The following SLC30A9 variants were observed in gnomAD, a reference collection of about 807,000 sequenced individuals.
The protein encoded by SLC30A9 is proton-coupled zinc antiporter SLC30A9, mitochondrial.
A neutral mutation model predicts 87.5 loss-of-function variants in SLC30A9; 58 were observed. That is an observed-to-expected ratio of 0.66 (90% confidence interval 0.54 to 0.82). The LOEUF is 0.82. Among genes scored for constraint, SLC30A9 ranks in the 40% least tolerant of loss-of-function variants. The pLI, the probability that SLC30A9 is intolerant of heterozygous loss-of-function variation, is 0.00. For synonymous variants in SLC30A9, 234 were observed against 233.0 expected (o/e 1.00, Z -0.04); for missense variants, 557 against 679.1 (o/e 0.82, Z 2.00).
At chr4:42,072,903 TCCCAGATTCAAGTGATTCTCCTG>T (rs1231227817) in intron 15 of SLC30A9, among the ~76,000 whole-genome samples, 1 of 148,802 alleles carries the variant, frequency 6.7e-6, no homozygotes, top group Non-Finnish European at 1.5e-5. Context: ...AACCTCCGCC[TCCCAGATTCAAGTGATTCTCCTG>T]CCTTACCCTC....
chr4:42,060,403 T>A (rs1335294796), intron 10 of SLC30A9, among the ~76,000 whole-genome samples, 157 bp downstream of exon 10: 1 of 152,192 alleles, frequency 6.6e-6, no homozygotes, highest in East Asian at 1.9e-4. Context: ...CTTCCCACTG[T>A]GTCAAAGTAA....
intron 8 of SLC30A9, among the ~76,000 whole-genome samples, chr4:42,039,391 A>G (rs572194333): frequency 6.6e-6 from 1 of 152,026 alleles, no homozygotes; most frequent in Non-Finnish European, 1.5e-5. Flanking sequence ...ACTGAAGAAT[A>G]TCTTTGTGCT....
At chr4:42,028,134 T>A (rs559612099) in intron 6 of SLC30A9, among the ~76,000 whole-genome samples, 2 of 152,206 alleles carry the variant, frequency 1.3e-5, no homozygotes, top group Non-Finnish European at 2.9e-5. Flanking sequence ...TTATTTTATT[T>A]TTGAGACGGA....
chr4:42,070,618 C>CT lies in SLC30A9; in HGVS notation c.1346dup (p.Gly451ArgfsTer14), dbSNP rs1718276340. On this transcript the variant is annotated frameshift_variant, in exon 15 of 18. Coordinates refer to ENST00000264451, the MANE Select transcript of SLC30A9 (RefSeq NM_006345.4). LOFTEE classifies it high-confidence loss of function. ...CCTCATCTACACTAACACAGAAGCACTCTTAGGGCGGTCCATCCAGCCAGA... is the reference window on the plus strand; with the variant it reads ...CCTCATCTACACTAACACAGAAGCACTTCTTAGGGCGGTCCATCCAGCCAGA... 4 of 1,614,096 alleles carry CT rather than the reference C, an allele frequency of 2.5e-6. No individual in the cohort carries two copies. Among genetic ancestry groups the CT allele is most frequent in the Non-Finnish European group, 3.4e-6 (4 of 1,179,976 alleles).
chr4:42,004,846 G>T (rs1315808146), intron 2 of SLC30A9, among the ~76,000 whole-genome samples: 1 of 151,800 alleles, frequency 6.6e-6, no homozygotes, highest in Non-Finnish European at 1.5e-5. Context: ...TAGAGACAAG[G>T]TCTCCCTGTG....
intron 17 of SLC30A9, among the ~76,000 whole-genome samples, chr4:42,081,287 C>CT (rs1342401187): frequency 1.3e-5 from 2 of 152,004 alleles, no homozygotes. Flanking sequence ...TCATGAAAGA[C>CT]TTTTTTAAAT....
intron 12 of SLC30A9, 57 bp downstream of exon 12, chr4:42,065,406 G>A (rs1399621730): frequency 3.2e-6 from 3 of 935,728 alleles, no homozygotes; most frequent in African/African-American, 3.3e-5. Context: ...ATATTCAGCT[G>A]TCCATTATTA....
chr4:42,069,321 T>C (rs1718210524), intron 14 of SLC30A9, among the ~76,000 whole-genome samples: 1 of 152,298 alleles, frequency 6.6e-6, no homozygotes, highest in Middle Eastern at 3.4e-3. Flanking sequence ...TCAAATTAAA[T>C]TAAATAACAT....
Position 42,087,261 on chromosome 4 carries a change from C to T in SLC30A9, c.*1135C>T, listed in dbSNP as rs987947069. 5.3e-5 allele frequency: 8 copies of T among 152,146 alleles called. 1 individual carries two copies. The highest frequency in any genetic ancestry group is 1.9e-4 in the African/African-American group (8 of 41,430). The allele number at this position is 152,146 out of a possible 1,614,324, so 9.4% of individuals were successfully genotyped here. On this transcript the variant is annotated 3_prime_UTR_variant, in exon 18 of 18. Coordinates refer to ENST00000264451, the MANE Select transcript of SLC30A9 (RefSeq NM_006345.4). ...CAAGGTGGAAAAAAAACATGCAATTCAGTAATTGAAAATGTGGTGAAAAGC... is the reference window on the plus strand; with the variant it reads ...CAAGGTGGAAAAAAAACATGCAATTTAGTAATTGAAAATGTGGTGAAAAGC...
At chr4:42,050,307 A>G (rs992291301) in intron 9 of SLC30A9, among the ~76,000 whole-genome samples, 4 of 152,180 alleles carry the variant, frequency 2.6e-5, no homozygotes. Flanking sequence ...TTTATACTCA[A>G]TATATACTTA....
intron 7 of SLC30A9, among the ~76,000 whole-genome samples, chr4:42,038,363 C>T (rs1188024412): frequency 6.6e-6 from 1 of 152,058 alleles, no homozygotes; most frequent in East Asian, 1.9e-4. Flanking sequence ...GTTCCCAAAC[C>T]TTTCTTCTAA....
chr4:42,000,689 T>C (rs1332058642), intron 1 of SLC30A9, among the ~76,000 whole-genome samples: 1 of 152,070 alleles, frequency 6.6e-6, no homozygotes, highest in South Asian at 2.1e-4. Flanking sequence ...AAGAAATGGC[T>C]TTTCTTTCAG....
chr4:42,004,674 T>TTTC (rs1213109144), intron 2 of SLC30A9, among the ~76,000 whole-genome samples: 4 of 150,436 alleles, frequency 2.7e-5, no homozygotes, highest in African/African-American at 4.9e-5. Flanking sequence ...CTTTTTTTTT[T>TTTC]TTTGAGACCA....
At chr4:42,062,873 T>G (rs982777619) in intron 10 of SLC30A9, 113 bp from the exon 11 acceptor site, 2 of 901,258 alleles carry the variant, frequency 2.2e-6, no homozygotes, top group Non-Finnish European at 3.3e-6. Flanking sequence ...TACTTAAATA[T>G]AAAATTATAA....
chr4:41,990,706 T>G lies in SLC30A9; in HGVS notation c.55T>G (p.Cys19Gly). ...CCACAGATGTAGCTGGTCCTCCCTG[T>G]GCCGGCTCCGTCTGCGATGCAGGGC... is the stretch of plus-strand genomic sequence containing the variant. ...AAHRCSWSSL[C>G]RLRLRCRAAA... is the part of the protein sequence containing the mutation. Residue 19 changes from cysteine (C) to glycine (G), a missense_variant, in exon 1 of 18, where the codon TGC becomes GGC. Physicochemically the swap from Cys to Gly is radical, Grantham distance 159. Transcript: ENST00000264451. 6.2e-7 allele frequency: 1 copy of G among 1,612,308 alleles called. No homozygotes were observed.
chr4:42,083,720 G>C (rs1718820425), intron 17 of SLC30A9, among the ~76,000 whole-genome samples: 1 of 151,980 alleles, frequency 6.6e-6, no homozygotes, highest in African/African-American at 2.4e-5. Context: ...GATAGGTAAG[G>C]GTTGATTGGA....
At chr4:41,990,828 C>T (rs984584164) in intron 1 of SLC30A9, 68 bp downstream of exon 1, 25 of 1,178,500 alleles carry the variant, frequency 2.1e-5, no homozygotes, top group Non-Finnish European at 2.9e-5. Context: ...GGCTCGGCGC[C>T]TCGCCTGGGG....
chr4:42,035,393 G>A (rs1716638510), intron 7 of SLC30A9, 60 bp downstream of exon 7: 2 of 1,559,646 alleles, frequency 1.3e-6, no homozygotes, highest in Non-Finnish European at 8.7e-7. Context: ...TCTAATATCA[G>A]TCCATTGTAA....
In SLC30A9 at chr4:42,066,604, T is replaced by TG; in HGVS notation, c.1128dup (p.Ser377ValfsTer11). 1 of 1,607,568 alleles carries TG rather than the reference T, an allele frequency of 6.2e-7. No individual in the cohort carries two copies. ...CGTAGGAATGCTCGGGCTAAAGGAA[T>TG]GTCATTTTACAAGTATGGTATGTAT... is the stretch of plus-strand genomic sequence containing the variant. On this transcript the variant is annotated frameshift_variant, in exon 13 of 18. Transcript: ENST00000264451. LOFTEE classifies it high-confidence loss of function.
Sources: allele counts gnomAD v4.1 joint callset (sites outside exome capture counted in the v4.1 genomes callset), GRCh38; gene constraint gnomAD v4.1.1; transcripts MANE v1.5; gene names NCBI Gene and HGNC (gene_info 2026-07-23, HGNC 2026-07-21).